WBP2: variants seen among roughly 807,000 people sequenced by gnomAD.
WBP2 encodes WW domain-binding protein 2.
A neutral mutation model predicts 33.0 loss-of-function variants in WBP2; 23 were observed. The observed-to-expected ratio is 0.70, with a 90% CI of 0.50 to 0.99. The LOEUF is 0.99. Ranked by LOEUF, WBP2 falls within the 50% of genes least tolerant of loss-of-function variation. The pLI is 0.00. For missense variants in WBP2, 353 were observed against 358.0 expected, an observed-to-expected ratio of 0.99 and a Z score of 0.11; for synonymous variants, 153 against 133.5, an observed-to-expected ratio of 1.15 and a Z score of -1.01.
chr17:75,855,708 G>A (rs949510245), upstream of WBP2, among the ~76,000 whole-genome samples: 35 of 152,258 alleles, frequency 2.3e-4, no homozygotes, highest in African/African-American at 6.5e-4. Flanking sequence ...CGATCTTGGG[G>A]ACTCCGGCAG....
chr17:75,846,696 TAG>T lies in WBP2; in HGVS notation c.*36_*37del, dbSNP rs1309879752. 2.0e-6 allele frequency: 3 copies of T among 1,502,212 alleles called. No individual in the cohort carries two copies. Among genetic ancestry groups the T allele is most frequent in the African/African-American group, 1.4e-5 (1 of 71,212 alleles). The allele number at this position is 1,502,212 out of a possible 1,614,324, so 93.1% of individuals were successfully genotyped here. On this transcript the variant is annotated 3_prime_UTR_variant, in exon 8 of 8. Transcript: ENST00000254806. This position sits in a 1 kb window ranked among gnomAD's most constrained non-coding sequence, Gnocchi z 4.8. ...CACAGCCCCGATGGGAGGGGTAGGG[TAG>T]AGAGATGAGGGTGGGAGGCAGGGAG...
At position 75,853,827 on chromosome 17, in the gene WBP2, C is replaced by T. The variant is rs140405917; in HGVS notation, c.59+1412G>A. ...TTGGGAGGCCGAGGAGGGTGGATCA[C>T]GAGGTCAGGAGTTCGAGACCAGCCT... On this transcript the variant is annotated intron_variant, in intron 1 of 7. Transcript: ENST00000254806. Among the ~76,000 whole-genome samples, 48 of 152,022 alleles carry T rather than the reference C, an allele frequency of 3.2e-4. No homozygotes were observed. In the East Asian group the frequency reaches 8.9e-3, roughly 28 times the overall value.
At chr17:75,855,159 T>TGCCCCC in intron 1 of WBP2, 80 bp downstream of exon 1, 2 of 964,064 alleles carry the variant, frequency 2.1e-6, no homozygotes, top group African/African-American at 3.9e-5. Context: ...AGGGGCTTAT[T>TGCCCCC]CCCCACCACC....
rs529813308 is a variant in WBP2, at chr17:75,854,312, C to G, written c.59+927G>C. 3.9e-5 allele frequency among the ~76,000 whole-genome samples: 6 copies of G among 152,278 alleles called. No individual in the cohort carries two copies. In the East Asian group the frequency reaches 1.2e-3, roughly 29 times the overall value. Reference sequence around the variant, plus strand: ...CAGGTGCCTCCTAAGCTCCTTCTGCCTTCAAGAGGCAATTCAGGGTCGGCA... The same window carrying G: ...CAGGTGCCTCCTAAGCTCCTTCTGCGTTCAAGAGGCAATTCAGGGTCGGCA... On this transcript the variant is annotated intron_variant, in intron 1 of 7. Coordinates refer to ENST00000254806, the MANE Select transcript of WBP2 (RefSeq NM_012478.4).
chr17:75,848,041 G>A, intron 4 of WBP2, 111 bp from the exon 5 acceptor site: 1 of 1,393,198 alleles, frequency 7.2e-7, no homozygotes, highest in East Asian at 2.5e-5. Context: ...GTGCCCCGCA[G>A]ACATCCTCTG....
At chr17:75,851,734 C>G (rs2065029040) in intron 1 of WBP2, 58 bp from the exon 2 acceptor site, 1 of 1,312,416 alleles carries the variant, frequency 7.6e-7, no homozygotes, top group Admixed American at 1.7e-5. Flanking sequence ...CGACGTCACC[C>G]AGACACTGGG....
intron 4 of WBP2, chr17:75,848,344 A>C: frequency 1.7e-6 from 1 of 599,738 alleles, no homozygotes; most frequent in Non-Finnish European, 3.0e-6. Context: ...CAGCTTTGTC[A>C]AAACGTCATC....
At chr17:75,855,108 G>T in intron 1 of WBP2, 131 bp downstream of exon 1, 1 of 202,600 alleles carries the variant, frequency 4.9e-6, no homozygotes, top group Non-Finnish European at 8.6e-6. Flanking sequence ...CCCGCCCCCA[G>T]CCGTTCCCCA....
At chr17:75,851,536 C>T (rs377284638) in intron 2 of WBP2, 32 bp downstream of exon 2, 3 of 1,548,648 alleles carry the variant, frequency 1.9e-6, no homozygotes, top group African/African-American at 1.4e-5. Context: ...AGCAACAAGC[C>T]TCTCAACCAA....
Position 75,846,371 on chromosome 17 carries a change from A to G in WBP2, c.*363T>C. On this transcript the variant is annotated 3_prime_UTR_variant, in exon 8 of 8. Transcript: ENST00000254806. The surrounding 1 kb of genome is among the most constrained non-coding windows in gnomAD (Gnocchi z 4.8). The stretch of plus-strand genomic sequence containing the variant: ...TGAAGTGGCTCATGAGGCTGAGTGT[A>G]GCAGTGGGTGCCAGACTGAGGGAGC... 2.9e-6 allele frequency: 1 copy of G among 341,170 alleles called. No homozygotes were observed. Among genetic ancestry groups the G allele is most frequent in the Non-Finnish European group, 5.6e-6 (1 of 178,952 alleles). 21.1% of individuals were successfully genotyped at this position (341,170 alleles called of 1,614,324 possible).
At chr17:75,849,007 C>A in intron 3 of WBP2, 1 of 354,102 alleles carries the variant, frequency 2.8e-6, no homozygotes, top group Non-Finnish European at 5.3e-6. Flanking sequence ...TCGGCAGCTT[C>A]ACAGGAACAA....
chr17:75,847,878 G>A lies in WBP2; in HGVS notation c.450C>T (p.Ser150=), dbSNP rs774625824. 1.2e-5 allele frequency: 18 copies of A among 1,556,808 alleles called. No individual in the cohort carries two copies. Among genetic ancestry groups the A allele is most frequent in the East Asian group, 2.4e-5 (1 of 41,288 alleles). ...SGAYGYSYMP[S]GAYVYPPPVA... ...CTGGCGGGGGATAGACATAGGCCCC[G>A]CTGGGCATGTAAGAGTAGCCATAGG... The change falls in exon 5 of 8, where the codon AGC becomes AGT. Residue 150 remains serine, a synonymous_variant. Transcript: ENST00000254806.
intron 6 of WBP2, 124 bp from the exon 7 acceptor site, chr17:75,847,108 C>T: frequency 9.3e-7 from 1 of 1,078,510 alleles, no homozygotes; most frequent in Non-Finnish European, 1.4e-6. Context: ...CCAATGAGAG[C>T]AGCAGGTGAG....
At chr17:75,851,884 C>T in intron 1 of WBP2, 1 of 377,944 alleles carries the variant, frequency 2.6e-6, no homozygotes, top group East Asian at 5.5e-5. Context: ...AGCGGATGAC[C>T]CCTGGTCAGG....
intron 3 of WBP2, chr17:75,848,878 TC>T: frequency 1.7e-6 from 1 of 585,738 alleles, no homozygotes. Flanking sequence ...TGTACTCGCT[TC>T]CCCCTTTGGA....
intron 4 of WBP2, 97 bp downstream of exon 4, chr17:75,848,473 G>T: frequency 2.6e-6 from 3 of 1,175,572 alleles, no homozygotes; most frequent in Non-Finnish European, 2.5e-6. Flanking sequence ...CTTACCTCTT[G>T]AGTTCTTGAA....
chr17:75,851,547 C>A (rs370837655), intron 2 of WBP2, 21 bp downstream of exon 2: 10 of 1,582,826 alleles, frequency 6.3e-6, no homozygotes, highest in Non-Finnish European at 8.7e-6. Flanking sequence ...TCTCAACCAA[C>A]TGCCCTGCTG....
At chr17:75,855,731 A>G (rs866198150), upstream of WBP2, among the ~76,000 whole-genome samples, 14 of 152,262 alleles carry the variant, frequency 9.2e-5, no homozygotes, top group South Asian at 4.1e-4. Flanking sequence ...CGTTAAGGGA[A>G]GTCCTGCTGG....
chr17:75,848,659 C>T lies in WBP2; in HGVS notation c.308G>A (p.Gly103Asp), dbSNP rs774342527. 1 of 1,613,348 alleles carries T rather than the reference C, an allele frequency of 6.2e-7. No individual in the cohort carries two copies. Among genetic ancestry groups the T allele is most frequent in the South Asian group, 1.1e-5 (1 of 90,942 alleles). ...CTTGTAGGAAGCAGAGCCTTCCCAG[C>T]CACCTGAAAGGGGAAGGACAGTGAA... ...KGTVKAEAGG[G>D]WEGSASYKLT... is the part of the protein sequence containing the mutation. The change falls in exon 4 of 8, where the codon GGC (glycine) becomes GAC (aspartate). Residue 103 changes from glycine (G) to aspartate (D), a missense_variant. Gly to Asp is a moderately conservative substitution (Grantham distance 94). Coordinates refer to ENST00000254806, the MANE Select transcript of WBP2 (RefSeq NM_012478.4).
Sources: gnomAD v4.1 joint callset for allele counts (sites outside exome capture counted in the v4.1 genomes callset) on GRCh38, gnomAD v4.1.1 for gene constraint, Gnocchi (gnomAD v3.1) non-coding constraint, MANE v1.5 for transcripts, NCBI Gene and HGNC (gene_info 2026-07-23, HGNC 2026-07-21) for gene names.